MCUB: variants seen among roughly 807,000 people sequenced by gnomAD.
MCUB encodes the protein mitochondrial calcium uniporter dominant negative subunit beta.
A neutral mutation model predicts 41.4 loss-of-function variants in MCUB; 46 were observed. That is an observed-to-expected ratio of 1.11 (90% CI 0.88 to 1.42). The LOEUF (loss-of-function observed/expected upper bound fraction) is 1.42, where lower values mean the gene tolerates loss of function less well. MCUB is among the 40% of genes most tolerant of loss of function. The pLI is 0.00. For missense variants in MCUB, 403 were observed against 404.9 expected (o/e 1.00, Z 0.04); for synonymous variants, 148 against 148.2 (o/e 1.00, Z 0.01).
intron 1 of MCUB, among the ~76,000 whole-genome samples, chr4:109,645,506 T>TTA (rs1728813786): frequency 1.3e-4 from 14 of 110,674 alleles, no homozygotes; most frequent in African/African-American, 4.4e-4. Flanking sequence ...AGAGAAACAT[T>TTA]AAAAAAGAAA....
chr4:109,592,387 G>A (rs1309674603), intron 1 of MCUB, among the ~76,000 whole-genome samples: 1 of 151,606 alleles, frequency 6.6e-6, no homozygotes, highest in Non-Finnish European at 1.5e-5. Context: ...TCCAGCCTGG[G>A]TGACAGAACG....
At chr4:109,561,818 G>GCAACT (rs1726646173) in intron 1 of MCUB, among the ~76,000 whole-genome samples, 1 of 152,042 alleles carries the variant, frequency 6.6e-6, no homozygotes, top group Non-Finnish European at 1.5e-5. Flanking sequence ...GTGCGATCTC[G>GCAACT]GCTCACTGCA....
chr4:109,669,698 GT>G (rs201836652), intron 4 of MCUB, among the ~76,000 whole-genome samples: 8,499 of 138,864 alleles, frequency 0.061, 566 homozygotes, highest in African/African-American at 0.17. Context: ...TTCTGTTCTG[GT>G]TTTTTTTTTT....
chr4:109,607,442 T>C (rs923609209), intron 1 of MCUB, among the ~76,000 whole-genome samples: 1 of 152,188 alleles, frequency 6.6e-6, no homozygotes, highest in Non-Finnish European at 1.5e-5. Flanking sequence ...GTTCTCAAAC[T>C]CCTGACCCCA....
chr4:109,595,619 C>A (rs197229), intron 1 of MCUB, among the ~76,000 whole-genome samples: 29,014 of 151,346 alleles, frequency 0.19, 60 homozygotes, highest in South Asian at 0.28. Flanking sequence ...TTCAGGTGCA[C>A]CACAACTATA....
intron 1 of MCUB, among the ~76,000 whole-genome samples, chr4:109,609,697 C>T (rs888667921): frequency 2.0e-5 from 3 of 152,116 alleles, no homozygotes; most frequent in Admixed American, 6.5e-5. Flanking sequence ...TGGTCACCAC[C>T]ACTGGGACTG....
intron 1 of MCUB, among the ~76,000 whole-genome samples, chr4:109,584,083 CTT>C (rs1444212867): frequency 6.6e-6 from 1 of 152,082 alleles, no homozygotes; most frequent in African/African-American, 2.4e-5. Context: ...TGGTCCTGGA[CTT>C]TTTTTGGTTG....
At chr4:109,605,524 T>G (rs1051031936) in intron 1 of MCUB, among the ~76,000 whole-genome samples, 22 of 152,362 alleles carry the variant, frequency 1.4e-4, no homozygotes, top group African/African-American at 4.8e-4. Flanking sequence ...TGAAATGTTC[T>G]GTAAATATCT....
At chr4:109,568,125 C>T (rs1322386942) in intron 1 of MCUB, among the ~76,000 whole-genome samples, 1 of 152,190 alleles carries the variant, frequency 6.6e-6, no homozygotes, top group Non-Finnish European at 1.5e-5. Flanking sequence ...CATTGGCCCT[C>T]TAAGCCCTTG....
chr4:109,661,269 C>T (rs12647060), intron 3 of MCUB, among the ~76,000 whole-genome samples: 42,436 of 152,092 alleles, frequency 0.28, 6,495 homozygotes, highest in East Asian at 0.47. Flanking sequence ...TATCCCACTA[C>T]ATAGCAGCTG....
chr4:109,645,429 A>C (rs1728812077), intron 1 of MCUB, among the ~76,000 whole-genome samples: 1 of 149,262 alleles, frequency 6.7e-6, no homozygotes, highest in South Asian at 2.1e-4. Flanking sequence ...CCAGATCTAA[A>C]TCTATTCCAA....
chr4:109,682,891 T>C, intron 5 of MCUB, 149 bp downstream of exon 5: 1 of 581,126 alleles, frequency 1.7e-6, no homozygotes, highest in South Asian at 2.2e-5. Context: ...TGCTTTTATC[T>C]TCCTCATTTT....
At chr4:109,658,513 T>C (rs1729155922) in intron 1 of MCUB, among the ~76,000 whole-genome samples, 1 of 152,156 alleles carries the variant, frequency 6.6e-6, no homozygotes, top group East Asian at 1.9e-4. Flanking sequence ...GTCAGGCTGG[T>C]CGCGAACTCC....
chr4:109,654,072 C>G (rs1199534740), intron 1 of MCUB, among the ~76,000 whole-genome samples: 1 of 151,920 alleles, frequency 6.6e-6, no homozygotes, highest in African/African-American at 2.4e-5. Context: ...TTTTGGAAGA[C>G]TCTTATTTTC....
intron 4 of MCUB, among the ~76,000 whole-genome samples, chr4:109,664,690 TTA>T (rs1329202233): frequency 6.6e-6 from 1 of 152,154 alleles, no homozygotes; most frequent in Non-Finnish European, 1.5e-5. Flanking sequence ...GGAGCAAAGT[TTA>T]TGTTAAGAAT....
chr4:109,577,337 T>C (rs986192288), intron 1 of MCUB, among the ~76,000 whole-genome samples: 7 of 152,196 alleles, frequency 4.6e-5, no homozygotes. Flanking sequence ...AAGTCAGCAC[T>C]CCTTTTGTTT....
At chr4:109,646,907 GTATT>G (rs1220209431) in intron 1 of MCUB, among the ~76,000 whole-genome samples, 1 of 152,150 alleles carries the variant, frequency 6.6e-6, no homozygotes, top group Non-Finnish European at 1.5e-5. Context: ...TCATTAAAAT[GTATT>G]TATGTATCTA....
At position 109,687,645 on chromosome 4, in the gene MCUB, T is replaced by C; in HGVS notation, c.*53T>C. Reference sequence around the variant, plus strand: ...TTCCATTATGTATTGATTTTGCAACTTAGGATGTTTTTGAGTCCCATGGTT... The same window carrying C: ...TTCCATTATGTATTGATTTTGCAACCTAGGATGTTTTTGAGTCCCATGGTT... On this transcript the variant is annotated 3_prime_UTR_variant, in exon 8 of 8. Coordinates refer to ENST00000394650, the MANE Select transcript of MCUB (RefSeq NM_017918.5). The C allele has an allele frequency of 1.7e-6, 2 of 1,183,594 alleles. No homozygotes were observed. Among genetic ancestry groups the C allele is most frequent in the Non-Finnish European group, 2.5e-6 (2 of 800,164 alleles). 73.3% of individuals were successfully genotyped at this position (1,183,594 alleles called of 1,614,324 possible).
chr4:109,679,511 C>T (rs1309041465), intron 4 of MCUB, among the ~76,000 whole-genome samples: 1 of 152,108 alleles, frequency 6.6e-6, no homozygotes, highest in Non-Finnish European at 1.5e-5. Context: ...TCAGGAGTGG[C>T]AGCACGTGCC....
Sources: allele counts gnomAD v4.1 joint callset (sites outside exome capture counted in the v4.1 genomes callset), GRCh38; gene constraint gnomAD v4.1.1; transcripts MANE v1.5; gene names NCBI Gene and HGNC (gene_info 2026-07-23, HGNC 2026-07-21).